CPSF2: variants seen among roughly 807,000 people sequenced by gnomAD.
CPSF2 encodes cleavage and polyadenylation specific factor 2, also known as cleavage and polyadenylation specificity factor subunit 2.
CPSF2 carries 51 observed loss-of-function variants against 84.2 expected under a neutral mutation model. The ratio of observed to expected loss-of-function variants is 0.61; its 90% confidence interval spans 0.48 to 0.77. The LOEUF is 0.77. CPSF2 is among the 30% of genes least tolerant of loss of function. The pLI is 0.00. For missense variants in CPSF2, 641 were observed against 929.4 expected, an observed-to-expected ratio of 0.69 and a Z score of 4.03; for synonymous variants, 286 against 311.9, an observed-to-expected ratio of 0.92 and a Z score of 0.87.
chr14:92,131,479 C>T (rs1383679100), intron 3 of CPSF2, among the ~76,000 whole-genome samples: 1 of 152,248 alleles, frequency 6.6e-6, no homozygotes, highest in African/African-American at 2.4e-5. Context: ...CTTTCTACAT[C>T]TTTTGATGCT....
At chr14:92,156,300 A>G (rs1341593393) in intron 11 of CPSF2, among the ~76,000 whole-genome samples, 179 bp from the exon 12 acceptor site, 1 of 152,160 alleles carries the variant, frequency 6.6e-6, no homozygotes, top group African/African-American at 2.4e-5. Context: ...AAAAAACCAA[A>G]AAACGCAATA....
chr14:92,154,243 A>G, intron 9 of CPSF2, 115 bp from the exon 10 acceptor site: 1 of 624,236 alleles, frequency 1.6e-6, no homozygotes, highest in Non-Finnish European at 2.7e-6. Context: ...CAGAGGAAAC[A>G]ATCAGTTTAA....
At chr14:92,150,961 G>A (rs993857821) in intron 9 of CPSF2, among the ~76,000 whole-genome samples, 1 of 152,160 alleles carries the variant, frequency 6.6e-6, no homozygotes, top group African/African-American at 2.4e-5. Context: ...GATAAGATTG[G>A]TGGTGATATT....
intron 1 of CPSF2, among the ~76,000 whole-genome samples, chr14:92,124,303 C>G (rs2068818188): frequency 6.6e-6 from 1 of 151,970 alleles, no homozygotes; most frequent in Non-Finnish European, 1.5e-5. Context: ...TGGTCTCTGA[C>G]AGCTATATGG....
chr14:92,142,121 G>C, intron 7 of CPSF2, 43 bp from the exon 8 acceptor site: 1 of 1,392,556 alleles, frequency 7.2e-7, no homozygotes. Flanking sequence ...TTGTAGCATA[G>C]TATTGTTACG....
At position 92,129,917 on chromosome 14, in the gene CPSF2, T is replaced by C. The variant is rs937463187; in HGVS notation, c.-34-1034T>C. The stretch of plus-strand genomic sequence containing the variant: ...TACATGCCACCAGCCAGTTTTCTTA[T>C]ATTTTTTTTTTGTAGAGACAGGGTC... On this transcript the variant is annotated intron_variant, in intron 2 of 15. Coordinates refer to ENST00000298875, the MANE Select transcript of CPSF2 (RefSeq NM_017437.3). 2.6e-5 allele frequency among the ~76,000 whole-genome samples: 4 copies of C among 152,050 alleles called. No homozygotes were observed. In the East Asian group the frequency reaches 7.7e-4, roughly 29 times the overall value.
chr14:92,164,362 T>C lies in CPSF2; in HGVS notation c.*2618T>C, dbSNP rs2069416458. ...TAAATAATAATCATTGCAAGAGCAATACTTTTACCTGTTTCTAGATGACAA... is the reference window on the plus strand; with the variant it reads ...TAAATAATAATCATTGCAAGAGCAACACTTTTACCTGTTTCTAGATGACAA... On this transcript the variant is annotated 3_prime_UTR_variant, in exon 16 of 16. Coordinates refer to ENST00000298875, the MANE Select transcript of CPSF2 (RefSeq NM_017437.3). 1 of 152,204 alleles carries C rather than the reference T, an allele frequency of 6.6e-6. No individual in the cohort carries two copies. The highest frequency in any genetic ancestry group is 1.5e-5 in the Non-Finnish European group (1 of 68,026). 9.4% of individuals were successfully genotyped at this position (152,204 alleles called of 1,614,324 possible). A position where few individuals can be genotyped will look rare whatever the true frequency, so the allele number is the denominator to read the frequency against.
chr14:92,145,053 A>C (rs1026454639), intron 9 of CPSF2, among the ~76,000 whole-genome samples: 1 of 152,208 alleles, frequency 6.6e-6, no homozygotes, highest in Non-Finnish European at 1.5e-5. Context: ...AGCCCATCAA[A>C]TCTATCGATT....
At chr14:92,124,258 A>G (rs756081996) in intron 1 of CPSF2, among the ~76,000 whole-genome samples, 2 of 152,196 alleles carry the variant, frequency 1.3e-5, no homozygotes, top group Non-Finnish European at 2.9e-5. Context: ...TATTTTGTGC[A>G]AGGAGTGAGC....
intron 8 of CPSF2, among the ~76,000 whole-genome samples, 161 bp downstream of exon 8, chr14:92,142,512 GTAT>G (rs1242263642): frequency 6.6e-5 from 10 of 152,172 alleles, no homozygotes; most frequent in African/African-American, 2.4e-4. Flanking sequence ...TGCTTTAAAT[GTAT>G]TATTTAATTT....
intron 10 of CPSF2, among the ~76,000 whole-genome samples, chr14:92,154,759 T>C (rs1229447582): frequency 6.6e-6 from 1 of 152,216 alleles, no homozygotes; most frequent in East Asian, 1.9e-4. Context: ...TGTGCAAACA[T>C]TAGGATATAT....
intron 8 of CPSF2, among the ~76,000 whole-genome samples, chr14:92,142,557 T>C (rs1020167341): frequency 2.0e-5 from 3 of 152,254 alleles, no homozygotes; most frequent in Non-Finnish European, 4.4e-5. Flanking sequence ...GTAGTTTCCA[T>C]TGTGTCCCTG....
At position 92,157,995 on chromosome 14, in the gene CPSF2, T is replaced by G. The variant is rs1411377102; in HGVS notation, c.1821+111T>G. 4.1e-6 allele frequency: 3 copies of G among 738,248 alleles called. No individual in the cohort carries two copies. Among genetic ancestry groups the G allele is most frequent in the Non-Finnish European group, 4.7e-6 (2 of 426,310 alleles). The allele number at this position is 738,248 out of a possible 1,614,324, so 45.7% of individuals were successfully genotyped here. ...TGTGAGACAGACATGGATGGTCTCC[T>G]GCCCTAGCAGACCTCATAGGGTATG... is the stretch of plus-strand genomic sequence containing the variant. On this transcript the variant is annotated intron_variant, in intron 13 of 15. Coordinates refer to ENST00000298875, the MANE Select transcript of CPSF2 (RefSeq NM_017437.3). This position sits in a 1 kb window ranked among gnomAD's most constrained non-coding sequence, Gnocchi z 4.0.
chr14:92,157,932 T>G lies in CPSF2; in HGVS notation c.1821+48T>G, dbSNP rs1396850800. The stretch of plus-strand genomic sequence containing the variant: ...TTGAGTAGAAATAAGTACTTTTTGT[T>G]GCAGGTTAGGACAGATAACATTAGA... On this transcript the variant is annotated intron_variant, in intron 13 of 15. Coordinates refer to ENST00000298875, the MANE Select transcript of CPSF2 (RefSeq NM_017437.3). The surrounding 1 kb of genome is among the most constrained non-coding windows in gnomAD (Gnocchi z 4.0). 1 of 1,324,622 alleles carries G rather than the reference T, an allele frequency of 7.5e-7. No homozygotes were observed. Among genetic ancestry groups the G allele is most frequent in the Admixed American group, 1.7e-5 (1 of 59,370 alleles). 82.1% of individuals were successfully genotyped at this position (1,324,622 alleles called of 1,614,324 possible).
intron 7 of CPSF2, among the ~76,000 whole-genome samples, chr14:92,140,078 C>A (rs1339234660): frequency 1.3e-5 from 2 of 151,200 alleles, no homozygotes; most frequent in Non-Finnish European, 2.9e-5. Flanking sequence ...CTCAGCCTCC[C>A]AGGTAGCTGG....
In CPSF2 at chr14:92,153,866, C is replaced by CTT. The variant is rs767628179; in HGVS notation, c.1141-473_1141-472dup. Among the ~76,000 whole-genome samples, 219 of 121,640 alleles carry CTT rather than the reference C, an allele frequency of 1.8e-3. 1 individual carries two copies. The highest frequency in any genetic ancestry group is 4.7e-3 in the African/African-American group (151 of 31,872). The allele number at this position is 121,640 out of a possible 152,430, so 79.8% of individuals were successfully genotyped here. ...AACAGGCACATGCCACCACTCCTGG[C>CTT]TTTTTTTTTTTTTTTTTTTTATGTG... is the stretch of plus-strand genomic sequence containing the variant. On this transcript the variant is annotated intron_variant, in intron 9 of 15. Transcript: ENST00000298875.
Position 92,165,233 on chromosome 14 carries a change from A to G in CPSF2, c.*3489A>G, listed in dbSNP as rs1277897184. 1 of 146,656 alleles carries G rather than the reference A, an allele frequency of 6.8e-6. No individual in the cohort carries two copies. Among genetic ancestry groups the G allele is most frequent in the African/African-American group, 2.5e-5 (1 of 40,412 alleles). The allele number at this position is 146,656 out of a possible 1,614,324, so 9.1% of individuals were successfully genotyped here. ...ATTAAGAATGCTGCTCTGAACATTC[A>G]TGTGCAAGTTTTTTTTTTTTTGTAT... is the stretch of plus-strand genomic sequence containing the variant. On this transcript the variant is annotated 3_prime_UTR_variant, in exon 16 of 16. Coordinates refer to ENST00000298875, the MANE Select transcript of CPSF2 (RefSeq NM_017437.3).
Position 92,159,196 on chromosome 14 carries a change from A to T in CPSF2, c.2035A>T (p.Met679Leu), listed in dbSNP as rs557180056. 2 of 1,614,102 alleles carry T rather than the reference A, an allele frequency of 1.2e-6. No homozygotes were observed. The highest frequency in any genetic ancestry group is 1.7e-5 in the Admixed American group (1 of 60,014). The change falls in exon 14 of 16, where the codon ATG (methionine) becomes TTG (leucine). Residue 679 changes from methionine (M) to leucine (L), a missense_variant. This residue lies in a region of CPSF2 where 430 missense variants were observed against 553.6 expected (regional missense o/e 0.78). Transcript: ENST00000298875. ...TAGCGTTATAGCACAACAAAAGGCC[A>T]TGAAAAGTCTGTTCGGAGATGATGA... is the stretch of plus-strand genomic sequence containing the variant. Reference protein sequence around the residue: ...DSSVIAQQKAMKSLFGDDEKE... With the variant: ...DSSVIAQQKALKSLFGDDEKE...
intron 2 of CPSF2, among the ~76,000 whole-genome samples, chr14:92,128,062 C>A (rs934399065): frequency 6.6e-6 from 1 of 152,070 alleles, no homozygotes; most frequent in African/African-American, 2.4e-5. Context: ...GGCCTTTGGC[C>A]ATGAATTTAA....
Sources: gnomAD v4.1 joint callset for allele counts (sites outside exome capture counted in the v4.1 genomes callset) on GRCh38, gnomAD v4.1.1 for gene constraint, gnomAD v4.1.1 regional missense constraint, Gnocchi (gnomAD v3.1) non-coding constraint, MANE v1.5 for transcripts, NCBI Gene and HGNC (gene_info 2026-07-23, HGNC 2026-07-21) for gene names.